Variants in OPHN1 observed in about 807,000 individuals in gnomAD.
OPHN1 encodes the protein oligophrenin-1.
Under a neutral mutation model 60.7 loss-of-function variants are expected in OPHN1, and 11 were observed. The ratio of observed to expected loss-of-function variants is 0.18; its 90% CI spans 0.11 to 0.30. The LOEUF (loss-of-function observed/expected upper bound fraction) is 0.30. OPHN1 is among the 10% of genes least tolerant of loss of function. OPHN1 has a pLI of 1.00. For synonymous variants in OPHN1, 226 were observed against 222.6 expected (o/e 1.02, Z -0.14); for missense variants, 449 against 611.0 (o/e 0.73, Z 2.80).
Position 68,201,649 on chromosome X carries a change from C to G in OPHN1, c.995G>C (p.Arg332Thr). Residue 332 changes from arginine to threonine, a missense_variant, in exon 11 of 25, where the codon AGG (arginine) becomes ACG (threonine). By Grantham distance (71) the Arg-to-Thr change is moderately conservative. This residue lies in a region of OPHN1 where 166 missense variants were observed against 278.4 expected (regional missense o/e 0.60). Transcript: ENST00000355520. The stretch of plus-strand genomic sequence containing the variant: ...ATTAGTTTCTATGTCAAAACAGAAC[C>G]TCTTGTCGATAGACTCCGTCTTCCT... ...VRRKTESIDK[R>T]FCFDIETNER... 8.3e-7 allele frequency: 1 copy of G among 1,210,880 alleles called. No homozygotes were observed. The highest frequency in any genetic ancestry group is 1.7e-5 in the African/African-American group (1 of 57,804).
chrX:68,374,618 A>AT (rs921391678), intron 2 of OPHN1, among the ~76,000 whole-genome samples: 6 of 110,257 alleles, frequency 5.4e-5, no homozygotes, highest in Admixed American at 4.9e-4. Context: ...TGCCTGGCTA[A>AT]TTTTTTTCAT....
Position 68,260,413 on chromosome X carries a change from G to T in OPHN1, c.384+14325C>A, listed in dbSNP as rs139614920. Reference sequence around the variant, plus strand: ...TATATATCCATTGAACTGGTGACAGGCATTATTAATCTTTTTTTTAATCTT... The same window carrying T: ...TATATATCCATTGAACTGGTGACAGTCATTATTAATCTTTTTTTTAATCTT... On this transcript the variant is annotated intron_variant, in intron 5 of 24. Transcript: ENST00000355520. Among the ~76,000 whole-genome samples, 237 of 110,469 alleles carry T rather than the reference G, an allele frequency of 2.1e-3. 1 individual carries two copies. The highest frequency in any genetic ancestry group is 7.5e-3 in the African/African-American group (227 of 30,319).
intron 19 of OPHN1, among the ~76,000 whole-genome samples, chrX:68,081,882 T>C (rs2076975814): frequency 8.9e-6 from 1 of 111,961 alleles, no homozygotes. Flanking sequence ...CCATGCTGTT[T>C]GATAGCATTT....
intron 5 of OPHN1, among the ~76,000 whole-genome samples, chrX:68,243,160 T>C (rs1404323967): frequency 9.0e-6 from 1 of 111,041 alleles, no homozygotes; most frequent in Non-Finnish European, 1.9e-5. Flanking sequence ...CCAGCAAGCT[T>C]GGCTAGAATA....
chrX:68,241,347 C>T (rs1055389934), intron 5 of OPHN1, among the ~76,000 whole-genome samples: 5 of 111,273 alleles, frequency 4.5e-5, no homozygotes, highest in East Asian at 2.8e-4. Context: ...TCATGTTTCA[C>T]GAAAATGTTT....
In OPHN1 at chrX:68,074,163, C is replaced by G. The variant is rs375102512; in HGVS notation, c.1687-864G>C. ...GCCAGTGAGACTAACAAAATCAACC[C>G]CAGTGATTAGTGTAAAGAGAAATGT... On this transcript the variant is annotated intron_variant, in intron 19 of 24. Coordinates refer to ENST00000355520, the MANE Select transcript of OPHN1 (RefSeq NM_002547.3). Among the ~76,000 whole-genome samples, 13 of 111,475 alleles carry G rather than the reference C, an allele frequency of 1.2e-4. No individual in the cohort carries two copies. In the East Asian group the frequency reaches 2.8e-3, roughly 24 times the overall value.
chrX:68,384,160 A>G (rs2078612468), intron 2 of OPHN1, among the ~76,000 whole-genome samples: 1 of 112,203 alleles, frequency 8.9e-6, no homozygotes, highest in South Asian at 3.7e-4. Context: ...TTTCCTTCAT[A>G]TGACCACCCC....
At chrX:68,132,779 G>T (rs1397724412) in intron 15 of OPHN1, 1 of 161,346 alleles carries the variant, frequency 6.2e-6, no homozygotes, top group Non-Finnish European at 1.2e-5. Flanking sequence ...AGAAACAATA[G>T]GGCTTGGCTG....
At chrX:68,426,119 A>C (rs1173013210) in intron 2 of OPHN1, among the ~76,000 whole-genome samples, 1 of 110,545 alleles carries the variant, frequency 9.0e-6, no homozygotes, top group African/African-American at 3.3e-5. Flanking sequence ...GGCGTGAGTC[A>C]CCAAGCCCGA....
chrX:68,318,877 A>G (rs1308364067), intron 2 of OPHN1, among the ~76,000 whole-genome samples: 1 of 111,654 alleles, frequency 9.0e-6, no homozygotes, highest in African/African-American at 3.3e-5. Flanking sequence ...ATGTCTCTCA[A>G]TTAAGATCTG....
intron 9 of OPHN1, 94 bp from the exon 10 acceptor site, chrX:68,206,767 C>T: frequency 1.5e-6 from 1 of 679,416 alleles, no homozygotes; most frequent in Admixed American, 2.3e-5. Context: ...CATTGCTCTT[C>T]AGAGTCAAAC....
intron 6 of OPHN1, among the ~76,000 whole-genome samples, chrX:68,217,087 G>A (rs1225048364): frequency 5.4e-5 from 6 of 111,789 alleles, no homozygotes; most frequent in African/African-American, 1.3e-4. Context: ...TGCGCGAGCC[G>A]AAGCAGGGCG....
chrX:68,120,335 A>G (rs1602170019), intron 15 of OPHN1, among the ~76,000 whole-genome samples: 1 of 112,057 alleles, frequency 8.9e-6, no homozygotes, highest in Admixed American at 9.5e-5. Flanking sequence ...TATCAGTCGC[A>G]TTTCTACAGA....
chrX:68,192,335 C>CA, intron 15 of OPHN1, among the ~76,000 whole-genome samples: 1 of 110,160 alleles, frequency 9.1e-6, no homozygotes, highest in East Asian at 2.9e-4. Flanking sequence ...CCCATCACTA[C>CA]AAAAAAATTA....
chrX:68,294,225 C>T (rs1404901023), intron 3 of OPHN1, among the ~76,000 whole-genome samples: 2 of 110,302 alleles, frequency 1.8e-5, no homozygotes, highest in African/African-American at 6.6e-5. Flanking sequence ...AATCCCAGCA[C>T]TTTGGGAGGC....
In OPHN1 at chrX:68,323,488, T is replaced by C. The variant is rs778456014; in HGVS notation, c.155-24392A>G. ...TTCTGCTTATTTGTATCGTTAGCAT[T>C]TGTCAACATCTAATATACTACATAT... On this transcript the variant is annotated intron_variant, in intron 2 of 24. Transcript: ENST00000355520. 3.2e-4 allele frequency among the ~76,000 whole-genome samples: 36 copies of C among 112,175 alleles called. No homozygotes were observed. In the South Asian group the frequency reaches 0.013, roughly 40 times the overall value.
intron 2 of OPHN1, among the ~76,000 whole-genome samples, chrX:68,405,791 G>GA (rs1475247435): frequency 1.8e-5 from 2 of 111,650 alleles, no homozygotes; most frequent in Admixed American, 1.9e-4. Flanking sequence ...TTTCATCCAA[G>GA]AAATGTTTTC....
At chrX:68,356,898 A>G (rs1447899717) in intron 2 of OPHN1, among the ~76,000 whole-genome samples, 1 of 111,608 alleles carries the variant, frequency 9.0e-6, no homozygotes, top group Non-Finnish European at 1.9e-5. Flanking sequence ...CTCGTGTTGT[A>G]TGATCCCATT....
chrX:68,407,464 C>T (rs1054964750), intron 2 of OPHN1, among the ~76,000 whole-genome samples: 23 of 111,662 alleles, frequency 2.1e-4, no homozygotes, highest in African/African-American at 7.5e-4. Flanking sequence ...GTCAAAAGGC[C>T]AACATTTAAA....
Sources: gnomAD v4.1 joint callset for allele counts (sites outside exome capture counted in the v4.1 genomes callset) on GRCh38, gnomAD v4.1.1 for gene constraint, gnomAD v4.1.1 regional missense constraint, MANE v1.5 for transcripts, NCBI Gene and HGNC (gene_info 2026-07-23, HGNC 2026-07-21) for gene names.